The following RALGPS1 variants were observed in gnomAD, a reference collection of about 807,000 sequenced individuals.
RALGPS1 encodes Ral GEF with PH domain and SH3 binding motif 1.
In RALGPS1, 19 loss-of-function variants were observed where a neutral mutation model predicts 78.8. That is an observed-to-expected ratio of 0.24 (90% confidence interval 0.17 to 0.35). The LOEUF (loss-of-function observed/expected upper bound fraction) is 0.35, where lower values mean the gene tolerates loss of function less well. RALGPS1 is among the 10% of genes least tolerant of loss of function. The pLI is 1.00. For synonymous variants in RALGPS1, 228 were observed against 256.3 expected, an observed-to-expected ratio of 0.89 and a Z score of 1.06; for missense variants, 454 against 688.3, an observed-to-expected ratio of 0.66 and a Z score of 3.81.
chr9:127,182,576 C>T (rs923499906), intron 11 of RALGPS1, among the ~76,000 whole-genome samples: 2 of 152,016 alleles, frequency 1.3e-5, no homozygotes, highest in African/African-American at 4.8e-5. Flanking sequence ...ATTACAGTCG[C>T]CCGCCACCAT....
intron 5 of RALGPS1, among the ~76,000 whole-genome samples, chr9:127,045,181 A>AAT (rs959130036): frequency 1.3e-5 from 2 of 152,218 alleles, no homozygotes; most frequent in African/African-American, 4.8e-5. Flanking sequence ...AGGAAACCTT[A>AAT]ATATATGCAA....
At chr9:126,976,669 C>T (rs2040687500) in intron 3 of RALGPS1, among the ~76,000 whole-genome samples, 1 of 152,184 alleles carries the variant, frequency 6.6e-6, no homozygotes, top group Non-Finnish European at 1.5e-5. Flanking sequence ...CTCCAGAGCC[C>T]ATTTGTTCCC....
intron 8 of RALGPS1, chr9:127,069,898 T>G (rs1269456983): frequency 1.3e-5 from 2 of 152,390 alleles, no homozygotes; most frequent in East Asian, 3.9e-4. Flanking sequence ...GTATGCTTAC[T>G]CTATCCTAAA....
At chr9:127,045,617 C>T (rs1304949777) in intron 5 of RALGPS1, among the ~76,000 whole-genome samples, 1 of 152,056 alleles carries the variant, frequency 6.6e-6, no homozygotes, top group African/African-American at 2.4e-5. Context: ...GAACGACCCA[C>T]GTGGTAATGG....
At chr9:126,953,580 T>C (rs1208323475) in intron 1 of RALGPS1, among the ~76,000 whole-genome samples, 1 of 152,210 alleles carries the variant, frequency 6.6e-6, no homozygotes, top group Non-Finnish European at 1.5e-5. Flanking sequence ...TACAGTTTAA[T>C]TTATCTCTCT....
At chr9:126,928,342 G>C (rs2131036045) in intron 1 of RALGPS1, among the ~76,000 whole-genome samples, 1 of 152,274 alleles carries the variant, frequency 6.6e-6, no homozygotes, top group Admixed American at 6.5e-5. Flanking sequence ...GACCATCGTG[G>C]TGTGATGCCT....
intron 11 of RALGPS1, among the ~76,000 whole-genome samples, chr9:127,182,364 T>C (rs111751872): frequency 0.51 from 64,263 of 125,464 alleles, 15,901 homozygotes; most frequent in African/African-American, 0.52. Flanking sequence ...CTTCCTTCCT[T>C]CCTTCCTCCC....
At chr9:127,105,358 TGG>T (rs2054122771) in intron 8 of RALGPS1, among the ~76,000 whole-genome samples, 1 of 152,180 alleles carries the variant, frequency 6.6e-6, no homozygotes, top group Non-Finnish European at 1.5e-5. Flanking sequence ...CAGCCCACAC[TGG>T]GTTGTGAACA....
intron 17 of RALGPS1, chr9:127,213,942 A>G (rs2062429361): frequency 6.6e-6 from 1 of 152,216 alleles, no homozygotes; most frequent in South Asian, 2.1e-4. Flanking sequence ...AGAAGCAGAG[A>G]AACAAAGGGA....
chr9:127,015,736 A>C (rs929948933), intron 4 of RALGPS1, among the ~76,000 whole-genome samples: 1 of 152,020 alleles, frequency 6.6e-6, no homozygotes, highest in Non-Finnish European at 1.5e-5. Context: ...TTTTCTTGGG[A>C]ACATGGAAAA....
chr9:126,958,595 G>A (rs1440588188), intron 1 of RALGPS1, among the ~76,000 whole-genome samples: 2 of 152,142 alleles, frequency 1.3e-5, no homozygotes, highest in Non-Finnish European at 2.9e-5. Flanking sequence ...GTATCAGTGC[G>A]TCACCTCTCT....
At chr9:127,066,679 T>C (rs1232789675) in intron 7 of RALGPS1, among the ~76,000 whole-genome samples, 1 of 152,194 alleles carries the variant, frequency 6.6e-6, no homozygotes, top group Non-Finnish European at 1.5e-5. Context: ...TGGAGCTGTT[T>C]TCCAGTAGGT....
At position 127,155,166 on chromosome 9, in the gene RALGPS1, A is replaced by G. The variant is rs115143498; in HGVS notation, c.611-10903A>G. Among the ~76,000 whole-genome samples the G allele has an allele frequency of 5.6e-3, 851 of 152,268 alleles. 13 individuals are homozygous for G. Among genetic ancestry groups the G allele is most frequent in the African/African-American group, 0.02 (819 of 41,544 alleles). On this transcript the variant is annotated intron_variant, in intron 8 of 18. Transcript: ENST00000259351. ...AGCCACCCTTCCACTGAGCAATAGA[A>G]TTTCAGAGGCCAGGTTGAAGGGAGT... is the stretch of plus-strand genomic sequence containing the variant.
chr9:126,985,935 G>A (rs1178983248), intron 4 of RALGPS1, among the ~76,000 whole-genome samples: 1 of 152,254 alleles, frequency 6.6e-6, no homozygotes, highest in East Asian at 1.9e-4. Context: ...TTATCTGGCT[G>A]TGTTTAGGCA....
Position 127,050,076 on chromosome 9 carries a change from G to A in RALGPS1, c.334G>A (p.Ala112Thr). ...TTGGGTTGTACGAGAAATTCTAACA[G>A]CACAGACTTTAAAAATAAGGGCAGA... ...SFWVVREILTAQTLKIRAEIL... is the reference protein window; with the variant it reads ...SFWVVREILTTQTLKIRAEIL... Residue 112 changes from alanine to threonine, a missense_variant, in exon 6 of 19, where the codon GCA becomes ACA. Physicochemically the swap from Ala to Thr is moderately conservative, Grantham distance 58. Transcript: ENST00000259351. The A allele has an allele frequency of 1.9e-6, 3 of 1,614,028 alleles. No individual in the cohort carries two copies. The highest frequency in any genetic ancestry group is 2.5e-6 in the Non-Finnish European group (3 of 1,179,852).
intron 8 of RALGPS1, among the ~76,000 whole-genome samples, chr9:127,114,609 G>T (rs2055202296): frequency 6.6e-6 from 1 of 152,220 alleles, no homozygotes; most frequent in Non-Finnish European, 1.5e-5. Context: ...CCTGCCTGGA[G>T]GACTTACAGA....
chr9:127,049,760 C>G (rs549055255), intron 5 of RALGPS1, among the ~76,000 whole-genome samples: 1 of 152,200 alleles, frequency 6.6e-6, no homozygotes, highest in Non-Finnish European at 1.5e-5. Flanking sequence ...TCTCGAGACT[C>G]GTGTCACGGA....
chr9:127,126,758 A>G (rs1588056975), intron 8 of RALGPS1, among the ~76,000 whole-genome samples: 1 of 152,156 alleles, frequency 6.6e-6, no homozygotes, highest in African/African-American at 2.4e-5. Flanking sequence ...TCTATCTTTC[A>G]TGTTCTCAAA....
intron 8 of RALGPS1, among the ~76,000 whole-genome samples, chr9:127,143,310 G>T (rs2057903647): frequency 6.6e-6 from 1 of 152,216 alleles, no homozygotes; most frequent in South Asian, 2.1e-4. Flanking sequence ...AGCTCACCCT[G>T]CTCCAGCAGT....
Sources: gnomAD v4.1 joint callset for allele counts (sites outside exome capture counted in the v4.1 genomes callset) on GRCh38, gnomAD v4.1.1 for gene constraint, MANE v1.5 for transcripts, NCBI Gene and HGNC (gene_info 2026-07-23, HGNC 2026-07-21) for gene names.